The following KHDRBS1 variants were observed in gnomAD, a reference collection of about 807,000 sequenced individuals.
KHDRBS1 encodes KH domain-containing, RNA-binding, signal transduction-associated protein 1.
KHDRBS1 carries 7 observed loss-of-function variants against 48.4 expected under a neutral mutation model. That is an observed-to-expected ratio of 0.14 (90% confidence interval 0.08 to 0.27). The LOEUF (loss-of-function observed/expected upper bound fraction) is 0.27, where lower values mean the gene tolerates loss of function less well. Ranked by LOEUF, KHDRBS1 falls within the 10% of genes least tolerant of loss-of-function variation. The pLI is 1.00. For synonymous variants in KHDRBS1, 241 were observed against 235.8 expected (o/e 1.02, Z -0.20); for missense variants, 458 against 601.2 (o/e 0.76, Z 2.49).
At position 32,021,065 on chromosome 1, in the gene KHDRBS1, T is replaced by A. The variant is rs950080314; in HGVS notation, c.382+6688T>A. Among the ~76,000 whole-genome samples, 7 of 152,290 alleles carry A rather than the reference T, an allele frequency of 4.6e-5. No individual in the cohort carries two copies. In the South Asian group the frequency reaches 1.4e-3, roughly 32 times the overall value. The stretch of plus-strand genomic sequence containing the variant: ...AAATGTTATGGGGAAAACTAAAGTA[T>A]ACAGGATCTCTGTTATTTCTTAGAA... On this transcript the variant is annotated intron_variant, in intron 1 of 8. Coordinates refer to ENST00000327300, the MANE Select transcript of KHDRBS1 (RefSeq NM_006559.3).
chr1:32,015,572 G>GT (rs1352036769), intron 1 of KHDRBS1, among the ~76,000 whole-genome samples: 1 of 152,152 alleles, frequency 6.6e-6, no homozygotes. Flanking sequence ...GTCAAAAACT[G>GT]TTGATCCTTA....
chr1:32,026,366 C>T (rs554027316), intron 1 of KHDRBS1, among the ~76,000 whole-genome samples: 14 of 152,150 alleles, frequency 9.2e-5, no homozygotes, highest in South Asian at 4.1e-4. Flanking sequence ...CTATGTTGCC[C>T]GCTCTGGTCC....
chr1:32,055,090 A>G (rs1156513653), intron 10 of KHDRBS1, among the ~76,000 whole-genome samples: 1 of 152,126 alleles, frequency 6.6e-6, no homozygotes, highest in Admixed American at 6.5e-5. Context: ...ACACCAAAGT[A>G]GTTCCTGGCT....
At chr1:32,031,433 G>A in intron 2 of KHDRBS1, 91 bp from the exon 3 acceptor site, 1 of 752,514 alleles carries the variant, frequency 1.3e-6, no homozygotes, top group Non-Finnish European at 2.2e-6. Context: ...CTCTACCTTT[G>A]CAGGGTTGTT....
chr1:32,016,635 G>A (rs1043560469), intron 1 of KHDRBS1, among the ~76,000 whole-genome samples: 1 of 152,056 alleles, frequency 6.6e-6, no homozygotes, highest in African/African-American at 2.4e-5. Context: ...GCTCCTCCAG[G>A]CACCTTTGAC....
rs1639227809 is a variant in KHDRBS1, at chr1:32,038,585, G to A, written c.1141G>A (p.Glu381Lys). The stretch of plus-strand genomic sequence containing the variant: ...TGATACATACGCAGAACAAAGTTAC[G>A]AAGGCTACGAAGGCTATTACAGCCA... ...YDDTYAEQSY[E>K]GYEGYYSQSQ... The change falls in exon 7 of 9, where the codon GAA becomes AAA. Residue 381 changes from glutamate (E) to lysine (K), a missense_variant. Physicochemically the swap from Glu to Lys is moderately conservative, Grantham distance 56 (BLOSUM62 1). Around this residue, in one of 3 missense-constraint regions of KHDRBS1, gnomAD observed 171 missense variants for 228.7 expected, o/e 0.75. Coordinates refer to ENST00000327300, the MANE Select transcript of KHDRBS1 (RefSeq NM_006559.3). 3 of 1,613,740 alleles carry A rather than the reference G, an allele frequency of 1.9e-6. No homozygotes were observed. Among genetic ancestry groups the A allele is most frequent in the South Asian group, 1.1e-5 (1 of 91,052 alleles).
At chr1:32,040,646 TA>T (rs1276262511) in intron 8 of KHDRBS1, among the ~76,000 whole-genome samples, 1 of 152,178 alleles carries the variant, frequency 6.6e-6, no homozygotes, top group Non-Finnish European at 1.5e-5. Flanking sequence ...GGCCCTGTGT[TA>T]ATAGGCCTCA....
chr1:32,025,104 C>A (rs748786031), intron 1 of KHDRBS1, among the ~76,000 whole-genome samples: 8 of 150,212 alleles, frequency 5.3e-5, no homozygotes, highest in Admixed American at 1.3e-4. Flanking sequence ...CCCATCTCTA[C>A]AAATAAAAAA....
chr1:32,050,959 C>T lies in KHDRBS1; in HGVS notation n.1301+5569C>T, dbSNP rs913617214. Among the ~76,000 whole-genome samples the T allele has an allele frequency of 5.9e-5, 9 of 152,206 alleles. No individual in the cohort carries two copies. The South Asian group carries it at 1.0e-3, about 18-fold the overall frequency. ...AGGCTGGAGTGCAGTGGCTCAATCTCGGCTCATTGCAACCTCTGCCTCCCA... is the reference window on the plus strand; with the variant it reads ...AGGCTGGAGTGCAGTGGCTCAATCTTGGCTCATTGCAACCTCTGCCTCCCA... On this transcript the variant is annotated intron_variant and non_coding_transcript_variant, in intron 10 of 10. Transcript: ENST00000484270.
chr1:32,018,808 T>A (rs1158330178), intron 1 of KHDRBS1, among the ~76,000 whole-genome samples: 1 of 149,090 alleles, frequency 6.7e-6, no homozygotes, highest in Non-Finnish European at 1.5e-5. Flanking sequence ...CGGTGGCCCA[T>A]GCCTGTAATC....
Position 32,013,901 on chromosome 1 carries a change from C to T in KHDRBS1, c.-95C>T. On this transcript the variant is annotated 5_prime_UTR_variant, in exon 1 of 9. Coordinates refer to ENST00000327300, the MANE Select transcript of KHDRBS1 (RefSeq NM_006559.3). ...GGGTCGCTCGGGTCGGCTTCGGTCG[C>T]TACCGCTCCCGCTCTGCCACCCCCG... The T allele has an allele frequency of 8.1e-7, 1 of 1,230,726 alleles. No individual in the cohort carries two copies. The highest frequency in any genetic ancestry group is 1.0e-6 in the Non-Finnish European group (1 of 959,482). 76.2% of individuals were successfully genotyped at this position (1,230,726 alleles called of 1,614,324 possible).
chr1:32,055,962 C>T (rs2124402256), intron 10 of KHDRBS1, among the ~76,000 whole-genome samples: 1 of 152,212 alleles, frequency 6.6e-6, no homozygotes, highest in East Asian at 1.9e-4. Context: ...AACTGTAGCA[C>T]TCTCTGTTTT....
intron 10 of KHDRBS1, among the ~76,000 whole-genome samples, chr1:32,051,292 T>C (rs1639416363): frequency 6.6e-6 from 1 of 152,238 alleles, no homozygotes; most frequent in African/African-American, 2.4e-5. Flanking sequence ...GTCGCCCTTA[T>C]CAAAAATCAG....
intron 10 of KHDRBS1, among the ~76,000 whole-genome samples, chr1:32,049,703 C>T (rs377617629): frequency 3.9e-4 from 59 of 151,180 alleles, no homozygotes; most frequent in Admixed American, 1.4e-3. Flanking sequence ...ACTCTGTCGC[C>T]CAGGCTGGAG....
intron 1 of KHDRBS1, among the ~76,000 whole-genome samples, chr1:32,021,807 C>T (rs1050744514): frequency 6.6e-6 from 1 of 151,906 alleles, no homozygotes; most frequent in Admixed American, 6.6e-5. Flanking sequence ...GGCGGCACCA[C>T]GCCTGGCTAA....
chr1:32,019,361 C>T (rs968943764), intron 1 of KHDRBS1, among the ~76,000 whole-genome samples: 7 of 152,092 alleles, frequency 4.6e-5, no homozygotes, highest in Admixed American at 2.6e-4. Context: ...ACCAGCCTGA[C>T]CAACATGGTG....
intron 4 of KHDRBS1, among the ~76,000 whole-genome samples, chr1:32,036,163 ATTTTTTTT>A (rs397742842): frequency 1.7e-5 from 1 of 60,470 alleles, no homozygotes; most frequent in African/African-American, 7.3e-5. Flanking sequence ...CATTTTGAAG[ATTTTTTTT>A]TTTTTTTTTT....
chr1:32,017,390 G>C (rs1469593477), intron 1 of KHDRBS1, among the ~76,000 whole-genome samples: 1 of 151,752 alleles, frequency 6.6e-6, no homozygotes, highest in Non-Finnish European at 1.5e-5. Context: ...ATCCATCTTT[G>C]TTTTCTGGAA....
In KHDRBS1 at chr1:32,014,084, T is replaced by A; in HGVS notation, c.89T>A (p.Val30Glu). The A allele has an allele frequency of 2.0e-6, 3 of 1,470,784 alleles. No individual in the cohort carries two copies. Among genetic ancestry groups the A allele is most frequent in the Non-Finnish European group, 2.7e-6 (3 of 1,116,502 alleles). 91.1% of individuals were successfully genotyped at this position (1,470,784 alleles called of 1,614,324 possible). ...GACCCCTCCGGTGCCCACCCCTCGG[T>A]GCGTCAGACGCCGTCTCGGCAGCCG... The part of the protein sequence containing the change: ...SMDPSGAHPS[V>E]RQTPSRQPPL... The change falls in exon 1 of 9, where the codon GTG becomes GAG. Residue 30 changes from valine (V) to glutamate (E), a missense_variant. This residue lies in a region of KHDRBS1 where 213 missense variants were observed against 215.6 expected (regional missense o/e 0.99). Coordinates refer to ENST00000327300, the MANE Select transcript of KHDRBS1 (RefSeq NM_006559.3).
Sources: gnomAD v4.1 joint callset for allele counts (sites outside exome capture counted in the v4.1 genomes callset) on GRCh38, gnomAD v4.1.1 for gene constraint, gnomAD v4.1.1 regional missense constraint, MANE v1.5 for transcripts, NCBI Gene and HGNC (gene_info 2026-07-23, HGNC 2026-07-21) for gene names.